The following DPP10 variants were observed in gnomAD, a reference collection of about 807,000 sequenced individuals.
DPP10 encodes inactive dipeptidyl peptidase 10.
A neutral mutation model predicts 120.9 loss-of-function variants in DPP10; 33 were observed. The ratio of observed to expected loss-of-function variants is 0.27; its 90% CI spans 0.21 to 0.37. The LOEUF is 0.37. DPP10 is among the 10% of genes least tolerant of loss of function. The pLI is 1.00. For missense variants in DPP10, 816 were observed against 942.8 expected, an observed-to-expected ratio of 0.87 and a Z score of 1.76; for synonymous variants, 337 against 326.1, an observed-to-expected ratio of 1.03 and a Z score of -0.36.
At chr2:114,546,088 T>C (rs917855162) in intron 1 of DPP10, among the ~76,000 whole-genome samples, 1 of 151,994 alleles carries the variant, frequency 6.6e-6, no homozygotes, top group Non-Finnish European at 1.5e-5. Flanking sequence ...TTCTTGAGAG[T>C]CATAATTCAG....
chr2:115,371,107 G>T (rs560711634), intron 3 of DPP10, among the ~76,000 whole-genome samples: 1 of 152,016 alleles, frequency 6.6e-6, no homozygotes, highest in African/African-American at 2.4e-5. Flanking sequence ...TTTGGGGATC[G>T]TACAACATCT....
At chr2:115,392,465 CAAAT>C (rs74761197) in intron 3 of DPP10, among the ~76,000 whole-genome samples, 67,891 of 151,504 alleles carry the variant, frequency 0.45, 16,121 homozygotes, top group Non-Finnish European at 0.54. Flanking sequence ...TTATATTTCA[CAAAT>C]AAAGATGTAT....
chr2:115,613,067 A>C (rs959657408), intron 5 of DPP10, among the ~76,000 whole-genome samples: 1 of 152,218 alleles, frequency 6.6e-6, no homozygotes, highest in Non-Finnish European at 1.5e-5. Context: ...ATACATATTT[A>C]GACAAAAGCT....
At chr2:114,563,188 A>G (rs958892308) in intron 1 of DPP10, among the ~76,000 whole-genome samples, 6 of 152,196 alleles carry the variant, frequency 3.9e-5, no homozygotes, top group African/African-American at 7.2e-5. Flanking sequence ...CCTGGCCAAC[A>G]TGGTGAAACC....
chr2:115,736,256 A>G (rs1179438057), intron 8 of DPP10, among the ~76,000 whole-genome samples: 1 of 152,116 alleles, frequency 6.6e-6, no homozygotes, highest in Non-Finnish European at 1.5e-5. Flanking sequence ...TAGTGCCTAG[A>G]TCTGTACCTC....
At chr2:115,611,535 G>A (rs7582265) in intron 5 of DPP10, among the ~76,000 whole-genome samples, 150,379 of 152,252 alleles carry the variant, frequency 0.99, 74,296 homozygotes, top group East Asian at 1. Context: ...ACTTCTTTAA[G>A]TGAAACTTTT....
Position 115,520,995 on chromosome 2 carries a change from A to C in DPP10, c.367-4903A>C, listed in dbSNP as rs368666239. The stretch of plus-strand genomic sequence containing the variant: ...AGTGATCAATGGTTAGATGAACTGC[A>C]CGTGTAATTAAATACATGTGAGGTC... On this transcript the variant is annotated intron_variant, in intron 4 of 25. Transcript: ENST00000410059. Among the ~76,000 whole-genome samples the C allele has an allele frequency of 1.6e-4, 25 of 152,348 alleles. No individual in the cohort carries two copies. The South Asian group carries it at 5.0e-3, about 30-fold the overall frequency.
At chr2:115,075,279 C>T (rs930677755) in intron 1 of DPP10, among the ~76,000 whole-genome samples, 1 of 152,198 alleles carries the variant, frequency 6.6e-6, no homozygotes, top group Admixed American at 6.5e-5. Context: ...AGCAAAGCTG[C>T]TCTTCAATAA....
chr2:114,988,906 G>T (rs1700590682), intron 1 of DPP10, among the ~76,000 whole-genome samples: 1 of 151,918 alleles, frequency 6.6e-6, no homozygotes, highest in South Asian at 2.1e-4. Context: ...TGCATTGATG[G>T]TGAATTCGAA....
intron 1 of DPP10, among the ~76,000 whole-genome samples, chr2:114,780,985 T>C (rs1682276964): frequency 6.6e-6 from 1 of 152,146 alleles, no homozygotes; most frequent in Non-Finnish European, 1.5e-5. Context: ...ATATCTTTCC[T>C]ACTAGGATAT....
At chr2:115,275,383 A>G (rs1249925426) in intron 1 of DPP10, among the ~76,000 whole-genome samples, 2 of 152,160 alleles carry the variant, frequency 1.3e-5, no homozygotes, top group African/African-American at 2.4e-5. Context: ...CTATCGATGT[A>G]TATTAGTAAG....
intron 1 of DPP10, among the ~76,000 whole-genome samples, chr2:114,755,048 G>A (rs886346397): frequency 1.3e-5 from 2 of 152,154 alleles, no homozygotes; most frequent in Non-Finnish European, 2.9e-5. Flanking sequence ...TTGACTATTT[G>A]AGTTGAGTAA....
chr2:114,497,290 T>C (rs1468962572), intron 1 of DPP10, among the ~76,000 whole-genome samples: 1 of 62,314 alleles, frequency 1.6e-5, no homozygotes, highest in African/African-American at 4.4e-5. Flanking sequence ...CGTGTATACA[T>C]GTACATGTAT....
chr2:115,172,765 TG>T (rs2053441899), intron 1 of DPP10, among the ~76,000 whole-genome samples: 1 of 152,240 alleles, frequency 6.6e-6, no homozygotes, highest in Non-Finnish European at 1.5e-5. Context: ...TAATATGTGT[TG>T]GGTTGTTATA....
At chr2:114,517,023 AT>A (rs1010496799) in intron 1 of DPP10, among the ~76,000 whole-genome samples, 125 of 149,680 alleles carry the variant, frequency 8.4e-4, no homozygotes, top group South Asian at 2.8e-3. Context: ...CTCTAAATGC[AT>A]TTTTTTTTTC....
chr2:114,693,727 G>A (rs1490505921), intron 1 of DPP10, among the ~76,000 whole-genome samples: 5 of 151,876 alleles, frequency 3.3e-5, no homozygotes. Context: ...ATCAGTCGTA[G>A]GTTCTGTCTC....
chr2:114,556,613 T>A (rs1688334759), intron 1 of DPP10, among the ~76,000 whole-genome samples: 2 of 151,982 alleles, frequency 1.3e-5, no homozygotes, highest in African/African-American at 4.8e-5. Context: ...GGGCTGGTAT[T>A]TGGAAGGCAT....
chr2:115,512,534 A>T (rs4255969), intron 4 of DPP10, among the ~76,000 whole-genome samples: 1 of 151,488 alleles, frequency 6.6e-6, no homozygotes, highest in African/African-American at 2.4e-5. Context: ...TTTACAGCTA[A>T]TAATTTCCCT....
intron 19 of DPP10, among the ~76,000 whole-genome samples, chr2:115,799,217 C>A (rs1445793178): frequency 6.6e-6 from 1 of 151,892 alleles, no homozygotes; most frequent in Non-Finnish European, 1.5e-5. Context: ...CTGACATAAT[C>A]TCCCTGTTTT....
Sources: gnomAD v4.1 joint callset for allele counts (sites outside exome capture counted in the v4.1 genomes callset) on GRCh38, gnomAD v4.1.1 for gene constraint, MANE v1.5 for transcripts, NCBI Gene and HGNC (gene_info 2026-07-23, HGNC 2026-07-21) for gene names.